MYO10: variants seen among roughly 807,000 people sequenced by gnomAD.
MYO10 encodes myosin X, also known as unconventional myosin-X.
MYO10 carries 133 observed loss-of-function variants against 257.3 expected under a neutral mutation model. The observed-to-expected ratio is 0.52, with a 90% CI of 0.45 to 0.60. The LOEUF is 0.60. Ranked by LOEUF, MYO10 falls within the 20% of genes least tolerant of loss-of-function variation. MYO10 has a pLI of 0.00. For synonymous variants in MYO10, 1,104 were observed against 1,028.6 expected, an observed-to-expected ratio of 1.07 and a Z score of -1.40; for missense variants, 2,399 against 2,635.7, an observed-to-expected ratio of 0.91 and a Z score of 1.97.
intron 26 of MYO10, among the ~76,000 whole-genome samples, chr5:16,697,412 GT>G (rs1463311490): frequency 6.6e-6 from 1 of 152,100 alleles, no homozygotes; most frequent in South Asian, 2.1e-4. Context: ...GAATAAAAGG[GT>G]TTTCATGGCT....
At chr5:16,709,993 G>A (rs943817646) in intron 21 of MYO10, among the ~76,000 whole-genome samples, 4 of 152,146 alleles carry the variant, frequency 2.6e-5, no homozygotes, top group Non-Finnish European at 4.4e-5. Flanking sequence ...CAAGACATAC[G>A]TCTCTCTCTT....
chr5:16,907,401 G>T (rs1031821385), intron 1 of MYO10, among the ~76,000 whole-genome samples: 1 of 151,910 alleles, frequency 6.6e-6, no homozygotes, highest in African/African-American at 2.4e-5. Context: ...AAGACCCAAG[G>T]AGAAGGCATC....
At chr5:16,835,723 A>G (rs375313766) in intron 2 of MYO10, among the ~76,000 whole-genome samples, 1 of 151,854 alleles carries the variant, frequency 6.6e-6, no homozygotes, top group East Asian at 1.9e-4. Flanking sequence ...CTCTGAATTA[A>G]TGGAAAGATT....
chr5:16,715,371 C>T (rs1053421898), intron 19 of MYO10, among the ~76,000 whole-genome samples: 2 of 140,516 alleles, frequency 1.4e-5, no homozygotes, highest in Non-Finnish European at 3.0e-5. Flanking sequence ...ACAGATATGG[C>T]GATGGTGCCG....
intron 1 of MYO10, among the ~76,000 whole-genome samples, chr5:16,880,135 G>C (rs755666222): frequency 3.3e-5 from 5 of 152,238 alleles, no homozygotes; most frequent in East Asian, 3.9e-4. Flanking sequence ...AATTGAGATC[G>C]TGCCACTACG....
chr5:16,886,974 T>C (rs997463934), intron 1 of MYO10, among the ~76,000 whole-genome samples: 7 of 151,298 alleles, frequency 4.6e-5, no homozygotes, highest in Non-Finnish European at 1.0e-4. Flanking sequence ...AAAAACACTA[T>C]TGCCACTGAA....
intron 2 of MYO10, among the ~76,000 whole-genome samples, chr5:16,872,622 T>C (rs1235098282): frequency 1.3e-5 from 2 of 152,198 alleles, no homozygotes; most frequent in African/African-American, 4.8e-5. Flanking sequence ...GAAAGAATGC[T>C]ATATTAGTCT....
In MYO10 at chr5:16,767,869, G is replaced by T. The variant is rs183460116; in HGVS notation, c.1060+1205C>A. On this transcript the variant is annotated intron_variant, in intron 10 of 40. Coordinates refer to ENST00000513610, the MANE Select transcript of MYO10 (RefSeq NM_012334.3). ...ATTTTTGTATTTTTAGTAGAGACGG[G>T]GTTTCACCATGTTGGCCAGGTTGGT... Among the ~76,000 whole-genome samples the T allele has an allele frequency of 8.3e-3, 1,262 of 152,024 alleles. 6 individuals are homozygous for T. Among genetic ancestry groups the T allele is most frequent in the Non-Finnish European group, 0.014 (942 of 67,982 alleles).
rs114287959 is a variant in MYO10, at chr5:16,848,996, C to T, written c.120+28613G>A. ...CTTGAAACAGGGTTTCCCTCTGTTG[C>T]CCAGGCTGGAGTGCAGTGGCGCAAT... On this transcript the variant is annotated intron_variant, in intron 2 of 40. Transcript: ENST00000513610. Among the ~76,000 whole-genome samples the T allele has an allele frequency of 4.4e-3, 664 of 152,236 alleles. 10 individuals carry two copies. The highest frequency in any genetic ancestry group is 0.027 in the Middle Eastern group (8 of 294).
intron 3 of MYO10, chr5:16,815,139 G>A (rs1277565122): frequency 3.8e-6 from 1 of 266,252 alleles, no homozygotes; most frequent in African/African-American, 2.3e-5. Flanking sequence ...GTCTAGCCTG[G>A]GCAACATAGC....
intron 37 of MYO10, among the ~76,000 whole-genome samples, chr5:16,672,309 G>A (rs868235953): frequency 1.2e-4 from 9 of 74,722 alleles, no homozygotes; most frequent in African/African-American, 2.0e-4. Flanking sequence ...AAAAAAAAAA[G>A]TAGGTCCATT....
chr5:16,712,593 C>T (rs910505779), intron 19 of MYO10, among the ~76,000 whole-genome samples: 3 of 152,302 alleles, frequency 2.0e-5, no homozygotes, highest in Non-Finnish European at 4.4e-5. Flanking sequence ...CAGTCATTAA[C>T]ACAGAATTAG....
At chr5:16,786,354 C>T (rs768539189) in intron 4 of MYO10, among the ~76,000 whole-genome samples, 1 of 152,100 alleles carries the variant, frequency 6.6e-6, no homozygotes, top group Non-Finnish European at 1.5e-5. Flanking sequence ...AGAAAAAATA[C>T]GGCTGGAAAT....
At chr5:16,678,243 T>G (rs1047656146) in intron 33 of MYO10, among the ~76,000 whole-genome samples, 7 of 152,128 alleles carry the variant, frequency 4.6e-5, no homozygotes, top group African/African-American at 1.7e-4. Context: ...GTGCCCTGGG[T>G]TGCATGGAAA....
intron 2 of MYO10, among the ~76,000 whole-genome samples, chr5:16,822,863 AT>A (rs1272551888): frequency 6.6e-6 from 1 of 151,526 alleles, no homozygotes; most frequent in East Asian, 2.0e-4. Flanking sequence ...AATTTTTTGT[AT>A]TTTTAGTAGA....
chr5:16,749,881 T>A (rs542341808), intron 19 of MYO10, among the ~76,000 whole-genome samples: 1 of 152,324 alleles, frequency 6.6e-6, no homozygotes, highest in South Asian at 2.1e-4. Flanking sequence ...CCTCGGGGCT[T>A]TTCTGAAGAA....
intron 33 of MYO10, among the ~76,000 whole-genome samples, chr5:16,678,312 G>T (rs545647900): frequency 6.4e-4 from 97 of 152,284 alleles, no homozygotes; most frequent in African/African-American, 2.3e-3. Flanking sequence ...AGTCCCAGTG[G>T]CTCATGCCTG....
In MYO10 at chr5:16,818,074, T is replaced by C. The variant is rs1474886745; in HGVS notation, c.214A>G (p.Thr72Ala). ...ATGATGGAGCCGCCATGGAGCTCTG[T>C]CAAGGACGCCATGTCATCCACGCCC... ...EEGVDDMASLTELHGGSIMYN... is the reference protein window; with the variant it reads ...EEGVDDMASLAELHGGSIMYN... Residue 72 changes from threonine to alanine, a missense_variant, in exon 3 of 41, where the codon ACA becomes GCA. By Grantham distance (58) the Thr-to-Ala change is moderately conservative (BLOSUM62 0). Coordinates refer to ENST00000513610, the MANE Select transcript of MYO10 (RefSeq NM_012334.3). 6 of 1,611,096 alleles carry C rather than the reference T, an allele frequency of 3.7e-6. No individual in the cohort carries two copies. Among genetic ancestry groups the C allele is most frequent in the Non-Finnish European group, 5.1e-6 (6 of 1,178,422 alleles).
intron 19 of MYO10, among the ~76,000 whole-genome samples, chr5:16,718,024 C>T (rs1321444602): frequency 6.6e-6 from 1 of 152,208 alleles, no homozygotes; most frequent in Non-Finnish European, 1.5e-5. Flanking sequence ...TGGGCGTGGG[C>T]TTGGTGGGCC....
Sources: allele counts gnomAD v4.1 joint callset (sites outside exome capture counted in the v4.1 genomes callset), GRCh38; gene constraint gnomAD v4.1.1; transcripts MANE v1.5; gene names NCBI Gene and HGNC (gene_info 2026-07-23, HGNC 2026-07-21).